FRMPD2: variants seen among roughly 807,000 people sequenced by gnomAD.
The protein encoded by FRMPD2 is FERM and PDZ domain containing 2, also known as FERM and PDZ domain-containing protein 2.
Under a neutral mutation model 140.1 loss-of-function variants are expected in FRMPD2, and 96 were observed. The observed-to-expected ratio is 0.69, with a 90% CI of 0.58 to 0.81. The LOEUF (loss-of-function observed/expected upper bound fraction) is 0.81. FRMPD2 is among the 40% of genes least tolerant of loss of function. The pLI is 0.00. For synonymous variants in FRMPD2, 449 were observed against 547.6 expected, an observed-to-expected ratio of 0.82 and a Z score of 2.52; for missense variants, 1,240 against 1,447.4, an observed-to-expected ratio of 0.86 and a Z score of 2.32.
chr10:48,264,865 G>A (rs1304191639), intron 1 of FRMPD2, among the ~76,000 whole-genome samples: 1 of 151,916 alleles, frequency 6.6e-6, no homozygotes, highest in Non-Finnish European at 1.5e-5. Flanking sequence ...CAAAGTTGTA[G>A]GACTGATCCA....
At chr10:48,234,733 G>A (rs1206879866) in intron 9 of FRMPD2, among the ~76,000 whole-genome samples, 2 of 152,150 alleles carry the variant, frequency 1.3e-5, no homozygotes, top group Non-Finnish European at 2.9e-5. Flanking sequence ...CATCTTCCTA[G>A]AGGCAAGGGT....
intron 15 of FRMPD2, among the ~76,000 whole-genome samples, chr10:48,199,324 T>C (rs543715022): frequency 1.3e-5 from 2 of 149,142 alleles, no homozygotes; most frequent in African/African-American, 4.9e-5. Flanking sequence ...TTTTAAGATA[T>C]GGTCCTGGTA....
rs1838374916 is a variant in FRMPD2 at position 48,175,196 on chromosome 10, A to G, written c.2990-241T>C. On this transcript the variant is annotated intron_variant, in intron 23 of 28. Coordinates refer to ENST00000374201, the MANE Select transcript of FRMPD2 (RefSeq NM_001018071.4). The stretch of plus-strand genomic sequence containing the variant: ...AGCCTTTCTATTATTGGCTCACAGA[A>G]TGGTTGAGCCAGCTCTGTTCAACCT... The G allele has an allele frequency of 8.0e-6, 4 of 502,478 alleles. No homozygotes were observed. In the South Asian group the frequency reaches 8.8e-5, roughly 11 times the overall value. The allele number at this position is 502,478 out of a possible 1,614,324, so 31.1% of individuals were successfully genotyped here. A position where few individuals can be genotyped will look rare whatever the true frequency, so the allele number is the denominator to read the frequency against.
At chr10:48,236,161 A>G (rs61840503) in intron 9 of FRMPD2, among the ~76,000 whole-genome samples, 4,199 of 151,440 alleles carry the variant, frequency 0.028, 93 homozygotes, top group Non-Finnish European at 0.042. Context: ...TAATCTCCAC[A>G]TGAAAAGGAC....
At chr10:48,261,651 A>G (rs1840592644) in intron 1 of FRMPD2, among the ~76,000 whole-genome samples, 1 of 152,194 alleles carries the variant, frequency 6.6e-6, no homozygotes, top group Non-Finnish European at 1.5e-5. Context: ...AAGAAATTTT[A>G]AAAGTTCTTC....
At chr10:48,159,827 A>G (rs1837886167) in intron 28 of FRMPD2, among the ~76,000 whole-genome samples, 1 of 151,706 alleles carries the variant, frequency 6.6e-6, no homozygotes, top group African/African-American at 2.4e-5. Flanking sequence ...CATTCTGCAA[A>G]GACCAACTTT....
chr10:48,239,129 G>T (rs926503648), intron 7 of FRMPD2, among the ~76,000 whole-genome samples: 12 of 152,258 alleles, frequency 7.9e-5, no homozygotes, highest in Non-Finnish European at 1.0e-4. Flanking sequence ...CATTCACCCC[G>T]CAGGAGAAGC....
chr10:48,242,132 C>T, intron 5 of FRMPD2, 29 bp downstream of exon 5: 4 of 1,503,098 alleles, frequency 2.7e-6, no homozygotes, highest in Non-Finnish European at 2.7e-6. Context: ...CCAGCAGCTA[C>T]TGCTTGAAAA....
intron 12 of FRMPD2, among the ~76,000 whole-genome samples, chr10:48,217,833 C>A (rs1839486301): frequency 6.6e-6 from 1 of 152,230 alleles, no homozygotes; most frequent in Non-Finnish European, 1.5e-5. Flanking sequence ...CTCTCTATCC[C>A]ACATACCCTG....
At chr10:48,262,923 A>T (rs984180099) in intron 1 of FRMPD2, among the ~76,000 whole-genome samples, 5 of 152,014 alleles carry the variant, frequency 3.3e-5, no homozygotes, top group African/African-American at 1.2e-4. Flanking sequence ...TTACAAGTTT[A>T]AAAGTACAGA....
At chr10:48,196,485 CTCTG>C (rs1479409486) in intron 15 of FRMPD2, among the ~76,000 whole-genome samples, 2 of 152,192 alleles carry the variant, frequency 1.3e-5, no homozygotes, top group Admixed American at 6.5e-5. Context: ...TGACATCTCT[CTCTG>C]TCTGTTTTTG....
chr10:48,207,773 T>C lies in FRMPD2; in HGVS notation c.1612-840A>G, dbSNP rs765664020. ...TTGAAGCCCTCTCAGAAGGGTTGTA[T>C]TGCTGAAATCTGGTATCCCATTCCT... On this transcript the variant is annotated intron_variant, in intron 13 of 28. Coordinates refer to ENST00000374201, the MANE Select transcript of FRMPD2 (RefSeq NM_001018071.4). 1.2e-3 allele frequency among the ~76,000 whole-genome samples: 182 copies of C among 152,158 alleles called. 2 individuals are homozygous for C. The highest frequency in any genetic ancestry group is 2.1e-3 in the Non-Finnish European group (142 of 68,030).
At chr10:48,242,951 T>C (rs1301479562) in intron 4 of FRMPD2, among the ~76,000 whole-genome samples, 1 of 152,192 alleles carries the variant, frequency 6.6e-6, no homozygotes, top group Non-Finnish European at 1.5e-5. Context: ...TGACCACAAT[T>C]CATAGGAGAA....
chr10:48,266,074 T>C (rs1033704980), intron 1 of FRMPD2, among the ~76,000 whole-genome samples: 1 of 152,086 alleles, frequency 6.6e-6, no homozygotes, highest in Non-Finnish European at 1.5e-5. Context: ...AGGAACATGG[T>C]TGGAGCAGGA....
intron 10 of FRMPD2, among the ~76,000 whole-genome samples, chr10:48,228,964 T>C (rs781405776): frequency 6.6e-6 from 1 of 152,024 alleles, no homozygotes; most frequent in Non-Finnish European, 1.5e-5. Flanking sequence ...AATTTTTGTG[T>C]GATCAAGATA....
intron 10 of FRMPD2, among the ~76,000 whole-genome samples, chr10:48,225,855 C>T (rs1839710027): frequency 6.6e-6 from 1 of 152,158 alleles, no homozygotes; most frequent in Non-Finnish European, 1.5e-5. Flanking sequence ...TGGATTTGAG[C>T]ACCCTCATTT....
At chr10:48,177,431 A>C (rs1281584685) in intron 22 of FRMPD2, 1 of 151,810 alleles carries the variant, frequency 6.6e-6, no homozygotes, top group African/African-American at 2.4e-5. Flanking sequence ...CACTTTCAAT[A>C]CTCAGTAATA....
intron 1 of FRMPD2, among the ~76,000 whole-genome samples, chr10:48,254,460 G>A (rs540090854): frequency 1.1e-4 from 17 of 152,246 alleles, no homozygotes; most frequent in Admixed American, 7.8e-4. Context: ...CACCCTCACC[G>A]TGTTCCATCA....
chr10:48,238,043 C>G lies in FRMPD2; in HGVS notation c.869G>C (p.Ser290Thr). The G allele has an allele frequency of 6.2e-7, 1 of 1,614,158 alleles. No individual in the cohort carries two copies. Among genetic ancestry groups the G allele is most frequent in the Non-Finnish European group, 8.5e-7 (1 of 1,180,038 alleles). ...SSGSVHSAADSSWPTTPSQRG... is the reference protein window; with the variant it reads ...SSGSVHSAADTSWPTTPSQRG... ...CTGAGAAGGAGTTGTTGGCCATGAG[C>G]TGTCTGCTGCCGAGTGCACAGATCC... The change falls in exon 8 of 29, where the codon AGC (serine) becomes ACC (threonine). Residue 290 changes from serine (S) to threonine (T), a missense_variant. Physicochemically the swap from Ser to Thr is moderately conservative, Grantham distance 58. Around this residue, in one of 6 missense-constraint regions of FRMPD2, gnomAD observed 1,161 missense variants for 1,055.9 expected, o/e 1.10. Transcript: ENST00000374201.
Sources: gnomAD v4.1 joint callset for allele counts (sites outside exome capture counted in the v4.1 genomes callset) on GRCh38, gnomAD v4.1.1 for gene constraint, gnomAD v4.1.1 regional missense constraint, MANE v1.5 for transcripts, NCBI Gene and HGNC (gene_info 2026-07-23, HGNC 2026-07-21) for gene names.